Variants in ETV1 observed in about 807,000 individuals in gnomAD.
ETV1 encodes ETS variant transcription factor 1, also known as ETS translocation variant 1.
Under a neutral mutation model 62.3 loss-of-function variants are expected in ETV1, and 27 were observed. That is an observed-to-expected ratio of 0.43 (90% CI 0.32 to 0.60). The LOEUF (loss-of-function observed/expected upper bound fraction) is 0.60. Among genes scored for constraint, ETV1 ranks in the 20% least tolerant of loss-of-function variants. The pLI is 0.06. For missense variants in ETV1, 605 were observed against 605.8 expected, an observed-to-expected ratio of 1.00 and a Z score of 0.01; for synonymous variants, 222 against 199.6, an observed-to-expected ratio of 1.11 and a Z score of -0.94.
intron 6 of ETV1, 112 bp downstream of exon 6, chr7:13,977,315 G>T: frequency 7.7e-6 from 5 of 651,766 alleles, no homozygotes; most frequent in Non-Finnish European, 1.1e-5. Context: ...TTAAAAAGGT[G>T]CTGGTACAAT....
chr7:13,913,543 T>C (rs1431751200), intron 9 of ETV1, among the ~76,000 whole-genome samples: 3 of 152,216 alleles, frequency 2.0e-5, no homozygotes, highest in African/African-American at 7.2e-5. Context: ...TTTCGCACAG[T>C]ATCTGCACAC....
At chr7:13,896,743 G>GGAAAGAAGAAA (rs1554288438) in intron 13 of ETV1, among the ~76,000 whole-genome samples, 4 of 115,382 alleles carry the variant, frequency 3.5e-5, no homozygotes, top group South Asian at 3.6e-4. Context: ...AAGAAAGAAA[G>GGAAAGAAGAAA]GAAAGAAAGA....
chr7:13,940,808 T>G (rs990492231), intron 6 of ETV1, among the ~76,000 whole-genome samples: 4 of 152,204 alleles, frequency 2.6e-5, no homozygotes, highest in African/African-American at 9.7e-5. Flanking sequence ...TATCACAAAC[T>G]ACCAAGCTTC....
chr7:13,984,458 T>C lies in ETV1; in HGVS notation c.181+2180A>G, dbSNP rs747642141. ...GTTAAAATATCAGTGCAAAATAATA[T>C]ATTTAATTTCTCAAAACAAAAAAAA... is the stretch of plus-strand genomic sequence containing the variant. On this transcript the variant is annotated intron_variant, in intron 5 of 13. Transcript: ENST00000430479. Among the ~76,000 whole-genome samples the C allele has an allele frequency of 1.1e-4, 17 of 152,046 alleles. No individual in the cohort carries two copies. In the East Asian group the frequency reaches 3.3e-3, roughly 29 times the overall value.
In ETV1 at chr7:13,911,270, T is replaced by G; in HGVS notation, c.840A>C (p.Glu280Asp). 2 of 1,613,146 alleles carry G rather than the reference T, an allele frequency of 1.2e-6. No homozygotes were observed. The highest frequency in any genetic ancestry group is 2.7e-5 in the African/African-American group (2 of 75,016). ...TTCTGCTGGGATGAGCCAGGAAGCC[T>G]TCTTGCCTCATATAAATGGAGTGGC... ...PSCHSIYMRQ[E>D]GFLAHPSRTE... Residue 280 changes from glutamate to aspartate, a missense_variant, in exon 10 of 14, where the codon GAA becomes GAC. Around this residue, in one of 3 missense-constraint regions of ETV1, gnomAD observed 426 missense variants for 377.8 expected, o/e 1.13. Transcript: ENST00000430479.
At chr7:13,966,241 C>T (rs1200263436) in intron 6 of ETV1, among the ~76,000 whole-genome samples, 1 of 152,084 alleles carries the variant, frequency 6.6e-6, no homozygotes, top group African/African-American at 2.4e-5. Context: ...TGAATTTTAG[C>T]ATAGGTCAAC....
intron 13 of ETV1, among the ~76,000 whole-genome samples, chr7:13,897,055 G>A (rs1009269162): frequency 6.6e-6 from 1 of 151,212 alleles, no homozygotes. Context: ...CTTAAATTCT[G>A]AAGAGTAATG....
intron 11 of ETV1, among the ~76,000 whole-genome samples, chr7:13,908,574 A>G (rs1783216469): frequency 6.6e-6 from 1 of 152,128 alleles, no homozygotes; most frequent in African/African-American, 2.4e-5. Flanking sequence ...AAAACCAAAA[A>G]TGTGATTCCT....
At chr7:13,958,014 A>C (rs1270632795) in intron 6 of ETV1, among the ~76,000 whole-genome samples, 3 of 152,206 alleles carry the variant, frequency 2.0e-5, no homozygotes, top group Non-Finnish European at 2.9e-5. Flanking sequence ...AGTCAGATAA[A>C]GCCTGCTTCT....
chr7:13,976,793 C>T (rs1781492362), intron 6 of ETV1, among the ~76,000 whole-genome samples: 1 of 152,150 alleles, frequency 6.6e-6, no homozygotes, highest in Non-Finnish European at 1.5e-5. Flanking sequence ...ATGCATCACT[C>T]CTTGCGCATT....
At chr7:13,990,417 A>T (rs2128519226), upstream of ETV1, 1 of 152,446 alleles carries the variant, frequency 6.6e-6, no homozygotes, top group South Asian at 2.1e-4. Flanking sequence ...CTACGTGTGC[A>T]CTGGGAAAAG....
At chr7:13,965,778 A>G (rs1389204583) in intron 6 of ETV1, among the ~76,000 whole-genome samples, 2 of 152,202 alleles carry the variant, frequency 1.3e-5, no homozygotes, top group East Asian at 3.9e-4. Context: ...TGTTACATAA[A>G]TGCAAACAGC....
At chr7:13,954,721 C>T (rs1789217661) in intron 6 of ETV1, among the ~76,000 whole-genome samples, 1 of 152,190 alleles carries the variant, frequency 6.6e-6, no homozygotes, top group Admixed American at 6.5e-5. Context: ...AAACAACCCT[C>T]AATGCTTGAA....
At chr7:13,936,919 G>A (rs187355633) in intron 7 of ETV1, among the ~76,000 whole-genome samples, 19 of 152,056 alleles carry the variant, frequency 1.2e-4, no homozygotes, top group Admixed American at 1.2e-3. Flanking sequence ...ATGCATGTCT[G>A]TAGGCTCAGA....
upstream of ETV1, chr7:13,989,717 C>G (rs2128518573): frequency 2.5e-6 from 1 of 398,030 alleles, no homozygotes; most frequent in Non-Finnish European, 4.4e-6. Flanking sequence ...CAGGGGCCTC[C>G]AATCCAAACT....
intron 4 of ETV1, among the ~76,000 whole-genome samples, chr7:13,987,311 G>A (rs1782636039): frequency 1.3e-5 from 2 of 151,952 alleles, no homozygotes; most frequent in South Asian, 4.1e-4. Flanking sequence ...TGTTAGGGAG[G>A]GAGAGAGGGA....
chr7:13,951,331 A>C (rs1788796424), intron 6 of ETV1, among the ~76,000 whole-genome samples: 1 of 152,216 alleles, frequency 6.6e-6, no homozygotes, highest in Non-Finnish European at 1.5e-5. Context: ...GCAGGCACTT[A>C]AATCTGCCTA....
At chr7:13,905,830 G>A (rs955024825) in intron 12 of ETV1, among the ~76,000 whole-genome samples, 1 of 152,038 alleles carries the variant, frequency 6.6e-6, no homozygotes, top group African/African-American at 2.4e-5. Context: ...CAAGTGTCAC[G>A]GACAAAGGAA....
At chr7:13,975,493 G>A (rs1418002137) in intron 6 of ETV1, among the ~76,000 whole-genome samples, 1 of 149,662 alleles carries the variant, frequency 6.7e-6, no homozygotes, top group African/African-American at 2.4e-5. Context: ...AACCCGGGAG[G>A]TGGAGCTTGC....
Sources: gnomAD v4.1 joint callset for allele counts (sites outside exome capture counted in the v4.1 genomes callset) on GRCh38, gnomAD v4.1.1 for gene constraint, gnomAD v4.1.1 regional missense constraint, MANE v1.5 for transcripts, NCBI Gene and HGNC (gene_info 2026-07-23, HGNC 2026-07-21) for gene names.